The following RNF212B variants were observed in gnomAD, a reference collection of about 807,000 sequenced individuals.
The protein encoded by RNF212B is E3 ubiquitin-protein ligase RNF212B.
A neutral mutation model predicts 55.5 loss-of-function variants in RNF212B; 52 were observed. That is an observed-to-expected ratio of 0.94 (90% CI 0.75 to 1.18). The LOEUF (loss-of-function observed/expected upper bound fraction) is 1.18, where lower values mean the gene tolerates loss of function less well. Ranked by LOEUF, RNF212B falls within the 50% of genes most tolerant of loss-of-function variation. RNF212B has a pLI of 0.00. For synonymous variants in RNF212B, 99 were observed against 121.4 expected (o/e 0.82, Z 1.21); for missense variants, 289 against 350.4 (o/e 0.82, Z 1.40).
At position 23,230,653 on chromosome 14, in the gene RNF212B, C is replaced by CAAAAA. The variant is rs60122483; in HGVS notation, c.-1-9666_-1-9662dup. Among the ~76,000 whole-genome samples the CAAAAA allele has an allele frequency of 2.6e-4, 19 of 74,000 alleles. 1 individual carries two copies. The highest frequency in any genetic ancestry group is 3.7e-4 in the African/African-American group (8 of 21,372). 48.5% of individuals were successfully genotyped at this position (74,000 alleles called of 152,430 possible). On this transcript the variant is annotated intron_variant, in intron 2 of 15. Transcript: ENST00000399910. Reference sequence around the variant, plus strand: ...TGGACGACAGAGCGAGACTCCATCTCAAAAAAAAAAAAAAAAAAAAAAAAA... The same window carrying CAAAAA: ...TGGACGACAGAGCGAGACTCCATCTCAAAAAAAAAAAAAAAAAAAAAAAAAAAAAA...
intron 2 of RNF212B, among the ~76,000 whole-genome samples, chr14:23,194,892 T>C (rs1878503022): frequency 6.6e-6 from 1 of 152,130 alleles, no homozygotes; most frequent in South Asian, 2.1e-4. Flanking sequence ...TTTCCAAGTA[T>C]GCATGGTATA....
chr14:23,243,453 T>C (rs1883747046), intron 3 of RNF212B, 145 bp downstream of exon 3: 2 of 725,290 alleles, frequency 2.8e-6, no homozygotes, highest in Admixed American at 2.8e-5. Flanking sequence ...CCCAGCACTT[T>C]GGGAGGTCAA....
intron 2 of RNF212B, among the ~76,000 whole-genome samples, chr14:23,220,654 T>A (rs748072703): frequency 5.3e-5 from 8 of 151,856 alleles, no homozygotes; most frequent in Admixed American, 2.6e-4. Flanking sequence ...TGAAATCCCA[T>A]CTTTACTAAA....
upstream of RNF212B, among the ~76,000 whole-genome samples, chr14:23,233,240 ATCTCAAGTACCC>A (rs1882844668): frequency 6.6e-6 from 1 of 152,118 alleles, no homozygotes; most frequent in Non-Finnish European, 1.5e-5. Flanking sequence ...CCACTCCCTA[ATCTCAAGTACCC>A]AGCGACACAA....
At chr14:23,200,466 C>G (rs973981876) in intron 2 of RNF212B, among the ~76,000 whole-genome samples, 1 of 152,060 alleles carries the variant, frequency 6.6e-6, no homozygotes, top group African/African-American at 2.4e-5. Context: ...GATGGGATTA[C>G]AGGTGCGTGC....
intron 2 of RNF212B, among the ~76,000 whole-genome samples, chr14:23,193,902 C>T (rs1389995746): frequency 3.9e-5 from 6 of 152,036 alleles, no homozygotes; most frequent in African/African-American, 4.8e-5. Flanking sequence ...AGTGCAGTGG[C>T]GCGATCTTGG....
At chr14:23,197,620 TA>T (rs923136997) in intron 2 of RNF212B, among the ~76,000 whole-genome samples, 1 of 151,732 alleles carries the variant, frequency 6.6e-6, no homozygotes, top group African/African-American at 2.4e-5. Flanking sequence ...TAAAAAATAA[TA>T]AAAAATATTG....
At chr14:23,196,502 T>C (rs922851190) in intron 2 of RNF212B, among the ~76,000 whole-genome samples, 1 of 152,016 alleles carries the variant, frequency 6.6e-6, no homozygotes, top group Non-Finnish European at 1.5e-5. Context: ...GGCAGTGGAG[T>C]GATCATAGCT....
intron 1 of RNF212B, chr14:23,187,935 G>GA (rs1280040172): frequency 6.6e-6 from 1 of 151,786 alleles, no homozygotes; most frequent in African/African-American, 2.4e-5. Context: ...GAGAAAAGAA[G>GA]AAAAAATTAA....
intron 2 of RNF212B, among the ~76,000 whole-genome samples, chr14:23,225,169 G>A (rs1043016099): frequency 6.6e-6 from 1 of 152,156 alleles, no homozygotes; most frequent in Admixed American, 6.6e-5. Flanking sequence ...GTGCTGGCGA[G>A]GATGTGGAGA....
intron 14 of RNF212B, among the ~76,000 whole-genome samples, chr14:23,271,064 A>T (rs1198597792): frequency 2.6e-5 from 4 of 152,218 alleles, no homozygotes; most frequent in Admixed American, 2.6e-4. Context: ...ATATTTTATA[A>T]ATTTATGGGA....
At chr14:23,267,883 T>C (rs1353767911) in intron 11 of RNF212B, among the ~76,000 whole-genome samples, 2 of 152,218 alleles carry the variant, frequency 1.3e-5, no homozygotes, top group Non-Finnish European at 2.9e-5. Flanking sequence ...CTGTGCATAG[T>C]TGGACTTGTT....
At chr14:23,207,681 C>T (rs75411423) in intron 2 of RNF212B, among the ~76,000 whole-genome samples, 25,213 of 152,108 alleles carry the variant, frequency 0.17, 2,397 homozygotes, top group South Asian at 0.31. Context: ...TACCAAAATG[C>T]GAATCCTGAA....
At chr14:23,230,603 G>A (rs11623639) in intron 2 of RNF212B, among the ~76,000 whole-genome samples, 21,475 of 133,408 alleles carry the variant, frequency 0.16, 1,739 homozygotes, top group East Asian at 0.2. Flanking sequence ...GCAGTGAGCC[G>A]AGATCGCGCC....
chr14:23,245,340 C>T (rs886463782), intron 4 of RNF212B, among the ~76,000 whole-genome samples: 7 of 152,014 alleles, frequency 4.6e-5, no homozygotes, highest in African/African-American at 1.7e-4. Flanking sequence ...CTATATTTAA[C>T]ATTATAAGTA....
intron 2 of RNF212B, among the ~76,000 whole-genome samples, chr14:23,223,935 A>C (rs1313093179): frequency 1.3e-5 from 2 of 152,230 alleles, no homozygotes; most frequent in African/African-American, 4.8e-5. Flanking sequence ...GTAACTTTTT[A>C]TATGCCAACA....
intron 4 of RNF212B, among the ~76,000 whole-genome samples, chr14:23,249,721 CAA>C (rs1884267331): frequency 6.6e-6 from 1 of 152,164 alleles, no homozygotes; most frequent in Non-Finnish European, 1.5e-5. Context: ...TTTGATCATA[CAA>C]ACTGTGCAAC....
At chr14:23,259,832 A>G (rs1885167932) in intron 5 of RNF212B, 52 bp from the exon 6 acceptor site, 2 of 951,504 alleles carry the variant, frequency 2.1e-6, no homozygotes, top group South Asian at 3.5e-5. Context: ...ATAAAAAATC[A>G]GGTTTTTAAT....
chr14:23,260,010 G>C (rs1885179365), intron 6 of RNF212B, 66 bp downstream of exon 6: 2 of 743,794 alleles, frequency 2.7e-6, no homozygotes, highest in Non-Finnish European at 4.3e-6. Flanking sequence ...CTAGCTGACT[G>C]TATAGAATAG....
Sources: gnomAD v4.1 joint callset for allele counts (sites outside exome capture counted in the v4.1 genomes callset) on GRCh38, gnomAD v4.1.1 for gene constraint, MANE v1.5 for transcripts, NCBI Gene and HGNC (gene_info 2026-07-23, HGNC 2026-07-21) for gene names.